The following DLG2 variants were observed in gnomAD, a reference collection of about 807,000 sequenced individuals.
DLG2 encodes the protein disks large homolog 2.
A neutral mutation model predicts 132.5 loss-of-function variants in DLG2; 45 were observed. The observed-to-expected ratio is 0.34, with a 90% CI of 0.27 to 0.44. The LOEUF (loss-of-function observed/expected upper bound fraction) is 0.44. Among genes scored for constraint, DLG2 ranks in the 20% least tolerant of loss-of-function variants. DLG2 has a pLI of 1.00. For missense variants in DLG2, 1,045 were observed against 1,196.9 expected (o/e 0.87, Z 1.87); for synonymous variants, 424 against 419.6 (o/e 1.01, Z -0.13).
chr11:84,148,698 T>G (rs1168654356), intron 9 of DLG2, among the ~76,000 whole-genome samples: 1 of 152,170 alleles, frequency 6.6e-6, no homozygotes, highest in Non-Finnish European at 1.5e-5. Flanking sequence ...TGTGTCTTTT[T>G]GGTAGGATGA....
At chr11:85,595,149 G>T (rs1404060123) in intron 3 of DLG2, among the ~76,000 whole-genome samples, 1 of 150,866 alleles carries the variant, frequency 6.6e-6, no homozygotes, top group Non-Finnish European at 1.5e-5. Flanking sequence ...TAATAAAAGT[G>T]CCTTGAAAAT....
intron 3 of DLG2, among the ~76,000 whole-genome samples, chr11:85,460,052 T>A (rs766384061): frequency 6.6e-6 from 1 of 152,126 alleles, no homozygotes; most frequent in Non-Finnish European, 1.5e-5. Context: ...GGGAGCTCCA[T>A]CCCAGGGAAG....
intron 20 of DLG2, among the ~76,000 whole-genome samples, chr11:83,540,867 C>T (rs2096048516): frequency 6.6e-6 from 1 of 152,144 alleles, no homozygotes; most frequent in Non-Finnish European, 1.5e-5. Context: ...CTCTGGGATA[C>T]AGCCAATTTC....
chr11:84,478,637 A>T (rs1042872141), intron 7 of DLG2, among the ~76,000 whole-genome samples: 3 of 152,154 alleles, frequency 2.0e-5, no homozygotes, highest in East Asian at 3.9e-4. Flanking sequence ...TAATTTTGAT[A>T]ACAGAAGGAA....
chr11:84,868,148 AT>A (rs1195265931), intron 6 of DLG2, among the ~76,000 whole-genome samples: 2 of 147,552 alleles, frequency 1.4e-5, no homozygotes, highest in South Asian at 2.1e-4. Context: ...TTATTATTAT[AT>A]TTATTAATAT....
At chr11:85,562,289 G>A (rs2077297051) in intron 3 of DLG2, among the ~76,000 whole-genome samples, 1 of 151,638 alleles carries the variant, frequency 6.6e-6, no homozygotes, top group African/African-American at 2.4e-5. Flanking sequence ...TTGTAAATCT[G>A]AAAAGAACAA....
chr11:83,621,195 CTTT>C (rs2061586235), intron 19 of DLG2, among the ~76,000 whole-genome samples: 2 of 151,864 alleles, frequency 1.3e-5, no homozygotes, highest in African/African-American at 4.8e-5. Flanking sequence ...TATAATTTGC[CTTT>C]TTGTTTATTA....
In DLG2 at chr11:84,616,439, A is replaced by G. The variant is rs371729929; in HGVS notation, c.358-81708T>C. Reference sequence around the variant, plus strand: ...TTGTTAGGATGATGATTTTAAAATAATGATGAGGGTACATTTTAGCACTAA... The same window carrying G: ...TTGTTAGGATGATGATTTTAAAATAGTGATGAGGGTACATTTTAGCACTAA... On this transcript the variant is annotated intron_variant, in intron 6 of 27. Transcript: ENST00000376104. 7.2e-5 allele frequency among the ~76,000 whole-genome samples: 11 copies of G among 152,240 alleles called. No individual in the cohort carries two copies. In the South Asian group the frequency reaches 2.3e-3, roughly 32 times the overall value.
At chr11:85,044,325 T>G (rs2062123730) in intron 6 of DLG2, among the ~76,000 whole-genome samples, 1 of 152,012 alleles carries the variant, frequency 6.6e-6, no homozygotes, top group South Asian at 2.1e-4. Flanking sequence ...GATAAATGAT[T>G]TACCTTTCCT....
At chr11:84,611,591 C>G (rs2099595724) in intron 6 of DLG2, among the ~76,000 whole-genome samples, 1 of 152,054 alleles carries the variant, frequency 6.6e-6, no homozygotes, top group South Asian at 2.1e-4. Context: ...TTATCAGTGG[C>G]CCAAGTGGTG....
At chr11:84,756,604 T>C (rs1215042175) in intron 6 of DLG2, among the ~76,000 whole-genome samples, 1 of 152,220 alleles carries the variant, frequency 6.6e-6, no homozygotes, top group Non-Finnish European at 1.5e-5. Flanking sequence ...TTAAATGTAA[T>C]ATTATGTGTA....
At chr11:84,439,955 G>T (rs986715392) in intron 7 of DLG2, among the ~76,000 whole-genome samples, 1 of 152,206 alleles carries the variant, frequency 6.6e-6, no homozygotes, top group South Asian at 2.1e-4. Context: ...TACTCTGATG[G>T]GACTGACATT....
chr11:84,988,148 A>C (rs542242187), intron 6 of DLG2, among the ~76,000 whole-genome samples: 1 of 152,200 alleles, frequency 6.6e-6, no homozygotes, highest in African/African-American at 2.4e-5. Flanking sequence ...AAAATGCTCA[A>C]CGTCACTAAT....
At chr11:85,448,821 C>T (rs1005918584) in intron 3 of DLG2, among the ~76,000 whole-genome samples, 1 of 152,060 alleles carries the variant, frequency 6.6e-6, no homozygotes, top group African/African-American at 2.4e-5. Flanking sequence ...TACACATAGC[C>T]TTGCTCCTTC....
At chr11:85,406,500 G>C (rs1171446199) in intron 3 of DLG2, among the ~76,000 whole-genome samples, 2 of 151,756 alleles carry the variant, frequency 1.3e-5, no homozygotes, top group East Asian at 3.9e-4. Flanking sequence ...AGCAGCTGCT[G>C]TGGTGTGTCA....
chr11:85,424,163 C>A (rs941121899), intron 3 of DLG2, among the ~76,000 whole-genome samples: 2 of 152,184 alleles, frequency 1.3e-5, no homozygotes, highest in African/African-American at 4.8e-5. Flanking sequence ...AATATCGTCT[C>A]CCATAATCAA....
intron 5 of DLG2, among the ~76,000 whole-genome samples, chr11:85,126,422 A>G (rs1026898677): frequency 1.3e-5 from 2 of 152,194 alleles, no homozygotes; most frequent in African/African-American, 2.4e-5. Flanking sequence ...TACTTAATAA[A>G]AGAAAGTTAA....
At chr11:84,365,939 T>C (rs2098679712) in intron 7 of DLG2, among the ~76,000 whole-genome samples, 1 of 151,938 alleles carries the variant, frequency 6.6e-6, no homozygotes, top group Non-Finnish European at 1.5e-5. Context: ...CAGGCCAACA[T>C]TCAGATTCAG....
At chr11:83,887,434 C>A (rs1373630928) in intron 15 of DLG2, among the ~76,000 whole-genome samples, 34 of 151,994 alleles carry the variant, frequency 2.2e-4, no homozygotes, top group East Asian at 1.9e-4. Context: ...CAATAACAGG[C>A]TCTGAAATTG....
Sources: allele counts gnomAD v4.1 joint callset (sites outside exome capture counted in the v4.1 genomes callset), GRCh38; gene constraint gnomAD v4.1.1; transcripts MANE v1.5; gene names NCBI Gene and HGNC (gene_info 2026-07-23, HGNC 2026-07-21).